FOXN3: variants seen among roughly 807,000 people sequenced by gnomAD.
The protein encoded by FOXN3 is forkhead box N3, also known as forkhead box protein N3.
A neutral mutation model predicts 38.4 loss-of-function variants in FOXN3; 7 were observed. The observed-to-expected ratio is 0.18, with a 90% CI of 0.10 to 0.34. The LOEUF is 0.34. Ranked by LOEUF, FOXN3 falls within the 10% of genes least tolerant of loss-of-function variation. The pLI is 1.00. For synonymous variants in FOXN3, 230 were observed against 242.2 expected (o/e 0.95, Z 0.47); for missense variants, 456 against 613.4 (o/e 0.74, Z 2.71).
At chr14:89,409,006 G>A (rs1891463354) in intron 2 of FOXN3, among the ~76,000 whole-genome samples, 1 of 152,182 alleles carries the variant, frequency 6.6e-6, no homozygotes, top group African/African-American at 2.4e-5. Flanking sequence ...AAGGACCTGG[G>A]TGTACCTGAG....
intron 1 of FOXN3, among the ~76,000 whole-genome samples, chr14:89,487,761 A>C (rs1893478999): frequency 6.6e-6 from 1 of 152,152 alleles, no homozygotes; most frequent in Admixed American, 6.5e-5. Flanking sequence ...CAAGCAACTC[A>C]AATACTGGCA....
At chr14:89,333,863 G>A (rs1888342523) in intron 3 of FOXN3, among the ~76,000 whole-genome samples, 1 of 149,438 alleles carries the variant, frequency 6.7e-6, no homozygotes, top group Non-Finnish European at 1.5e-5. Flanking sequence ...TACTATATCT[G>A]CATGGCACTC....
chr14:89,467,621 C>CT (rs779424121), intron 1 of FOXN3, among the ~76,000 whole-genome samples: 1,387 of 138,514 alleles, frequency 0.01, 12 homozygotes, highest in African/African-American at 0.031. Context: ...TTCCCTCTTG[C>CT]TTTTTTTTTT....
intron 3 of FOXN3, among the ~76,000 whole-genome samples, chr14:89,337,636 C>A (rs1039115355): frequency 9.4e-4 from 136 of 144,900 alleles, no homozygotes; most frequent in African/African-American, 3.2e-3. Flanking sequence ...CTTTTCTTTT[C>A]TTTTTTTTTT....
At chr14:89,252,255 T>A (rs1361594311) in intron 4 of FOXN3, among the ~76,000 whole-genome samples, 1 of 152,240 alleles carries the variant, frequency 6.6e-6, no homozygotes, top group African/African-American at 2.4e-5. Context: ...TTTTAATATG[T>A]GAGCTTTTCA....
At chr14:89,381,240 T>C in intron 2 of FOXN3, among the ~76,000 whole-genome samples, 1 of 149,336 alleles carries the variant, frequency 6.7e-6, no homozygotes, top group Non-Finnish European at 1.5e-5. Context: ...AAGGTAACAG[T>C]CATCTTCAGA....
Position 89,163,040 on chromosome 14 carries a change from G to T in FOXN3, c.852-71C>A. ...CACAGTTAGACGTCCTCAGATGGGG[G>T]CACCCGGCAGCCCGCCTGCATTCAA... On this transcript the variant is annotated intron_variant, in intron 5 of 5. Transcript: ENST00000557258. This position sits in a 1 kb window ranked among gnomAD's most constrained non-coding sequence, Gnocchi z 4.3. 1.5e-6 allele frequency: 2 copies of T among 1,370,120 alleles called. No individual in the cohort carries two copies. The highest frequency in any genetic ancestry group is 2.9e-5 in the African/African-American group (2 of 68,764). The allele number at this position is 1,370,120 out of a possible 1,614,324, so 84.9% of individuals were successfully genotyped here.
chr14:89,443,831 G>A (rs568511419), intron 1 of FOXN3, among the ~76,000 whole-genome samples: 117 of 152,144 alleles, frequency 7.7e-4, no homozygotes, highest in African/African-American at 2.6e-3. Context: ...CCAACATGGA[G>A]CAACTCTGTC....
At chr14:89,297,239 T>A (rs1887066639) in intron 3 of FOXN3, among the ~76,000 whole-genome samples, 1 of 152,054 alleles carries the variant, frequency 6.6e-6, no homozygotes, top group African/African-American at 2.4e-5. Flanking sequence ...GCAGGCACTC[T>A]GAAAAAACAG....
At chr14:89,441,873 G>A (rs866857521) in intron 1 of FOXN3, among the ~76,000 whole-genome samples, 1 of 151,218 alleles carries the variant, frequency 6.6e-6, no homozygotes, top group Non-Finnish European at 1.5e-5. Context: ...CCTTGAGGTT[G>A]GGATCTCAGC....
chr14:89,296,179 ACT>A lies in FOXN3; in HGVS notation c.681-15167_681-15166del, dbSNP rs138053714. On this transcript the variant is annotated intron_variant, in intron 3 of 5. Transcript: ENST00000557258. ...CATGTTTTGAGTATATACTGAAAAA[ACT>A]CTGCTTAAAACCACGGCTACGATTT... 7.5e-3 allele frequency among the ~76,000 whole-genome samples: 1,142 copies of A among 151,750 alleles called. 19 individuals are homozygous for A. The highest frequency in any genetic ancestry group is 0.027 in the African/African-American group (1,097 of 41,368).
At position 89,412,218 on chromosome 14, in the gene FOXN3, C is replaced by T. The variant is rs61754094; in HGVS notation, c.259G>A (p.Val87Ile). The change falls in exon 2 of 6, where the codon GTC becomes ATC. Residue 87 changes from valine (V) to isoleucine (I), a missense_variant. Physicochemically the swap from Val to Ile is conservative, Grantham distance 29 (BLOSUM62 3). Coordinates refer to ENST00000557258, the MANE Select transcript of FOXN3 (RefSeq NM_005197.4). This position sits in a 1 kb window ranked among gnomAD's most constrained non-coding sequence, Gnocchi z 4.7. ...GGGGTGTCATCGTCCAGGTCCTGGA[C>T]GGGGCTGACACTCCTGAGGACCGAC... ...GESVLRSVSP[V>I]QDLDDDTPPS... 5.3e-5 allele frequency: 86 copies of T among 1,613,880 alleles called. No homozygotes were observed. The highest frequency in any genetic ancestry group is 2.0e-4 in the African/African-American group (15 of 74,842).
chr14:89,556,417 A>G (rs1464277039), intron 1 of FOXN3, among the ~76,000 whole-genome samples: 1 of 151,988 alleles, frequency 6.6e-6, no homozygotes, highest in African/African-American at 2.4e-5. Flanking sequence ...AAAAAAAAAA[A>G]AAGACAAGAA....
intron 3 of FOXN3, among the ~76,000 whole-genome samples, chr14:89,300,366 G>C (rs1596165782): frequency 6.6e-6 from 1 of 152,042 alleles, no homozygotes; most frequent in East Asian, 1.9e-4. Context: ...TATTTGTATA[G>C]AGACAGGGTT....
intron 4 of FOXN3, among the ~76,000 whole-genome samples, chr14:89,267,936 T>C (rs1382068493): frequency 6.6e-6 from 1 of 152,214 alleles, no homozygotes; most frequent in African/African-American, 2.4e-5. Flanking sequence ...TTGCCTAAAA[T>C]AGCATTTGTG....
rs140781098 is a variant in FOXN3 at position 89,529,478 on chromosome 14, C to A, written c.-15+89550G>T. On this transcript the variant is annotated intron_variant, in intron 1 of 6. Transcript: ENST00000345097. ...TTCCTATAGTGTTTCTCTCTCCCCACTCGTCTTTTCTTTTTTAACTTGTAA... is the reference window on the plus strand; with the variant it reads ...TTCCTATAGTGTTTCTCTCTCCCCAATCGTCTTTTCTTTTTTAACTTGTAA... Among the ~76,000 whole-genome samples, 164 of 152,262 alleles carry A rather than the reference C, an allele frequency of 1.1e-3. No individual in the cohort carries two copies. In the East Asian group the frequency reaches 0.025, roughly 23 times the overall value.
At chr14:89,234,376 G>A (rs1884915564) in intron 4 of FOXN3, among the ~76,000 whole-genome samples, 1 of 152,174 alleles carries the variant, frequency 6.6e-6, no homozygotes, top group African/African-American at 2.4e-5. Context: ...GGCGTTCCAA[G>A]GCTTGTGGCT....
intron 1 of FOXN3, among the ~76,000 whole-genome samples, chr14:89,470,185 TG>T (rs1204686817): frequency 9.2e-5 from 14 of 152,176 alleles, no homozygotes; most frequent in Non-Finnish European, 2.1e-4. Flanking sequence ...TCCTACTTAG[TG>T]GAATTTCTCA....
At chr14:89,372,964 G>A (rs543906597) in intron 2 of FOXN3, among the ~76,000 whole-genome samples, 5 of 152,182 alleles carry the variant, frequency 3.3e-5, no homozygotes, top group East Asian at 1.9e-4. Context: ...CCAGGAGTTC[G>A]AGACCAGCCT....
Sources: gnomAD v4.1 joint callset for allele counts (sites outside exome capture counted in the v4.1 genomes callset) on GRCh38, gnomAD v4.1.1 for gene constraint, Gnocchi (gnomAD v3.1) non-coding constraint, MANE v1.5 for transcripts, NCBI Gene and HGNC (gene_info 2026-07-23, HGNC 2026-07-21) for gene names.